The following CLCF1 variants were observed in gnomAD, a reference collection of about 807,000 sequenced individuals.
CLCF1 encodes cardiotrophin like cytokine factor 1.
Under a neutral mutation model 21.2 loss-of-function variants are expected in CLCF1, and 10 were observed. The ratio of observed to expected loss-of-function variants is 0.47; its 90% CI spans 0.29 to 0.80. The LOEUF is 0.80. CLCF1 is among the 30% of genes least tolerant of loss of function. The pLI, the probability that CLCF1 is intolerant of heterozygous loss-of-function variation, is 0.09. For synonymous variants in CLCF1, 115 were observed against 120.5 expected (o/e 0.95, Z 0.30); for missense variants, 240 against 293.4 (o/e 0.82, Z 1.33).
chr11:67,373,473 C>T (rs981990251), intron 1 of CLCF1, 51 bp downstream of exon 1: 7 of 1,026,692 alleles, frequency 6.8e-6, no homozygotes, highest in African/African-American at 1.7e-5. Context: ...AACCGGATCT[C>T]GTGGCTGCTT....
At chr11:67,373,844 G>T (rs930373478), upstream of CLCF1, 6 of 1,025,590 alleles carry the variant, frequency 5.9e-6, no homozygotes, top group Admixed American at 4.6e-5. Flanking sequence ...CAGCACCGAG[G>T]GGGGGTGAGG....
intron 1 of CLCF1, chr11:67,370,959 T>C (rs1024343791): frequency 1.0e-6 from 1 of 985,258 alleles, no homozygotes; most frequent in African/African-American, 1.7e-5. Flanking sequence ...GGGCTGAATA[T>C]GGGAGCCAGG....
At chr11:67,370,957 T>C in intron 1 of CLCF1, 1 of 985,350 alleles carries the variant, frequency 1.0e-6, no homozygotes, top group Non-Finnish European at 1.2e-6. Context: ...CTGGGCTGAA[T>C]ATGGGAGCCA....
chr11:67,366,753 C>T (rs885764), intron 2 of CLCF1, among the ~76,000 whole-genome samples: 1 of 152,068 alleles, frequency 6.6e-6, no homozygotes, highest in African/African-American at 2.4e-5. Flanking sequence ...CCCCGCCACC[C>T]TCCTCCCTTT....
rs982233902 is a variant in CLCF1 at position 67,367,484 on chromosome 11, T to C, written c.159A>G (p.Gln53=). The C allele has an allele frequency of 6.2e-7, 1 of 1,614,114 alleles. No homozygotes were observed. The highest frequency in any genetic ancestry group is 8.5e-7 in the Non-Finnish European group (1 of 1,179,990). The part of the protein sequence containing the change: ...TYDLTRYLEH[Q]LRSLAGTYLN... ...CATAGGTCCCAGCCAAGCTGCGGAG[T>C]TGGTGCTCCAGGTAGCGGGTGAGGT... The change falls in exon 2 of 3, where the codon CAA becomes CAG. Residue 53 remains glutamine (Q), a synonymous_variant. Transcript: ENST00000312438.
At chr11:67,368,692 T>C in intron 1 of CLCF1, 1 of 985,294 alleles carries the variant, frequency 1.0e-6, no homozygotes, top group Non-Finnish European at 1.2e-6. Flanking sequence ...TAGTTTAGAC[T>C]TGGGATTTGG....
At position 67,365,115 on chromosome 11, in the gene CLCF1, C is replaced by T. The variant is rs376316748; in HGVS notation, c.*21G>A. On this transcript the variant is annotated 3_prime_UTR_variant, in exon 3 of 3. Transcript: ENST00000312438. This position sits in a 1 kb window ranked among gnomAD's most constrained non-coding sequence, Gnocchi z 5.0. ...GTGGGAGCAGGGTTTGAAGGGGGAG[C>T]GAAGAGGAGAAGGTCAGAAGTCAGA... 1.1e-4 allele frequency: 171 copies of T among 1,613,058 alleles called. No homozygotes were observed. The African/African-American group carries it at 1.1e-3, about 10-fold the overall frequency.
At chr11:67,369,982 A>G in intron 1 of CLCF1, 1 of 985,088 alleles carries the variant, frequency 1.0e-6, no homozygotes, top group Non-Finnish European at 1.2e-6. Context: ...GGAATATTTC[A>G]GTTCTGAGGT....
intron 1 of CLCF1, chr11:67,370,222 A>G (rs1229009262): frequency 2.1e-5 from 21 of 985,250 alleles, no homozygotes; most frequent in Non-Finnish European, 2.3e-5. Flanking sequence ...CGTGGGGTGA[A>G]CACCTGCGGT....
rs183381601 is a variant in CLCF1, at chr11:67,368,426, C to T, written c.17-800G>A. 2,073 of 985,256 alleles carry T rather than the reference C, an allele frequency of 2.1e-3. 3 individuals are homozygous for T. The highest frequency in any genetic ancestry group is 2.4e-3 in the Non-Finnish European group (1,988 of 829,914). 61.0% of individuals were successfully genotyped at this position (985,256 alleles called of 1,614,324 possible). A position where few individuals can be genotyped will look rare whatever the true frequency, so the allele number is the denominator to read the frequency against. On this transcript the variant is annotated intron_variant, in intron 1 of 2. Coordinates refer to ENST00000312438, the MANE Select transcript of CLCF1 (RefSeq NM_013246.3). ...AGGGAGAGAGGTGCATTTGACGAGTCGGGCTTGTTGGCTGATGGCACTGCA... is the reference window on the plus strand; with the variant it reads ...AGGGAGAGAGGTGCATTTGACGAGTTGGGCTTGTTGGCTGATGGCACTGCA...
At chr11:67,373,684 T>C, upstream of CLCF1, 1 of 1,252,166 alleles carries the variant, frequency 8.0e-7, no homozygotes, top group Non-Finnish European at 1.0e-6. Context: ...CGGATTTTTT[T>C]TTTTTTTCGG....
Position 67,372,496 on chromosome 11 carries a change from C to G in CLCF1, c.16+1028G>C, listed in dbSNP as rs1168857931. ...GCACGGCGGCGGTTGCCAGCTGGCC[C>G]TCCCTGCTGGCGGTGACCTCTCGCT... On this transcript the variant is annotated intron_variant, in intron 1 of 2. Transcript: ENST00000312438. The surrounding 1 kb of genome is among the most constrained non-coding windows in gnomAD (Gnocchi z 5.9). Among the ~76,000 whole-genome samples, 1 of 151,948 alleles carries G rather than the reference C, an allele frequency of 6.6e-6. No individual in the cohort carries two copies. The highest frequency in any genetic ancestry group is 1.5e-5 in the Non-Finnish European group (1 of 67,912).
At chr11:67,367,750 G>T in intron 1 of CLCF1, 124 bp from the exon 2 acceptor site, 1 of 1,518,472 alleles carries the variant, frequency 6.6e-7, no homozygotes, top group African/African-American at 1.4e-5. Flanking sequence ...GACACCAGAT[G>T]GGAGGCAGAG....
intron 2 of CLCF1, among the ~76,000 whole-genome samples, chr11:67,367,241 T>C (rs1404984362): frequency 2.0e-5 from 3 of 150,596 alleles, no homozygotes; most frequent in Non-Finnish European, 4.4e-5. Context: ...CCAAGGCGGG[T>C]GCGAGGCCTG....
At chr11:67,373,868 TGGC>T, upstream of CLCF1, 3 of 723,790 alleles carry the variant, frequency 4.1e-6, no homozygotes, top group Non-Finnish European at 5.0e-6. Flanking sequence ...GGCGAGGCTG[TGGC>T]GGTACCACCC....
At chr11:67,367,136 C>T (rs1214508259) in intron 2 of CLCF1, among the ~76,000 whole-genome samples, 5 of 152,080 alleles carry the variant, frequency 3.3e-5, no homozygotes, top group Admixed American at 1.3e-4. Flanking sequence ...ACCCCGCCCG[C>T]GCAAGAGACA....
At chr11:67,373,275 C>T (rs1337175924) in intron 1 of CLCF1, among the ~76,000 whole-genome samples, 1 of 151,838 alleles carries the variant, frequency 6.6e-6, no homozygotes, top group African/African-American at 2.4e-5. Context: ...TTGCCGCCTC[C>T]CCAGGTCTGC....
At chr11:67,366,938 C>A (rs1223621391) in intron 2 of CLCF1, among the ~76,000 whole-genome samples, 2 of 152,242 alleles carry the variant, frequency 1.3e-5, no homozygotes, top group East Asian at 3.9e-4. Context: ...ACACCCTAAA[C>A]CCCCTGCCAC....
chr11:67,366,578 C>T (rs558772793), intron 2 of CLCF1, among the ~76,000 whole-genome samples: 11 of 151,828 alleles, frequency 7.2e-5, no homozygotes, highest in South Asian at 2.1e-4. Context: ...CTCGGGGGAG[C>T]GGCTGGGGCC....
Sources: allele counts gnomAD v4.1 joint callset (sites outside exome capture counted in the v4.1 genomes callset), GRCh38; gene constraint gnomAD v4.1.1; non-coding constraint Gnocchi (gnomAD v3.1); transcripts MANE v1.5; gene names NCBI Gene and HGNC (gene_info 2026-07-23, HGNC 2026-07-21).